TTC39C: variants seen among roughly 807,000 people sequenced by gnomAD.
The protein encoded by TTC39C is tetratricopeptide repeat domain 39C, also known as tetratricopeptide repeat protein 39C.
TTC39C carries 33 observed loss-of-function variants against 76.3 expected under a neutral mutation model. That is an observed-to-expected ratio of 0.43 (90% CI 0.33 to 0.58). TTC39C has a LOEUF of 0.58. Among genes scored for constraint, TTC39C ranks in the 20% least tolerant of loss-of-function variants. The probability of loss-of-function intolerance (pLI) is 0.04; values close to 1 mark genes in which losing one functional copy is unlikely to be tolerated. For synonymous variants in TTC39C, 254 were observed against 260.6 expected (o/e 0.97, Z 0.24); for missense variants, 595 against 701.4 (o/e 0.85, Z 1.71).
At chr18:24,129,808 A>G (rs2085100256) in intron 11 of TTC39C, among the ~76,000 whole-genome samples, 1 of 151,968 alleles carries the variant, frequency 6.6e-6, no homozygotes, top group Non-Finnish European at 1.5e-5. Flanking sequence ...AATGTACAGT[A>G]ATAGGAGACT....
intron 1 of TTC39C, among the ~76,000 whole-genome samples, chr18:24,039,392 T>A (rs1301567330): frequency 6.6e-6 from 1 of 152,190 alleles, no homozygotes; most frequent in Non-Finnish European, 1.5e-5. Flanking sequence ...TTCAAGGGAA[T>A]GATGGAAGTG....
At chr18:24,045,912 TA>T (rs2083868696) in intron 1 of TTC39C, among the ~76,000 whole-genome samples, 75 of 28,426 alleles carry the variant, frequency 2.6e-3, no homozygotes, top group African/African-American at 6.4e-3. Context: ...TATATATATA[TA>T]TATATATATA....
chr18:24,118,826 A>T (rs760388436), intron 8 of TTC39C, among the ~76,000 whole-genome samples: 34 of 151,500 alleles, frequency 2.2e-4, no homozygotes, highest in Admixed American at 4.6e-4. Context: ...CCAATTTTTT[A>T]AAAAAAATTT....
intron 6 of TTC39C, among the ~76,000 whole-genome samples, chr18:24,111,031 C>T (rs2084802160): frequency 6.6e-6 from 1 of 151,130 alleles, no homozygotes; most frequent in African/African-American, 2.4e-5. Flanking sequence ...CACTCTGTCA[C>T]CCAGGCTAGA....
chr18:24,108,691 G>A (rs538656776), intron 6 of TTC39C, among the ~76,000 whole-genome samples: 9 of 152,300 alleles, frequency 5.9e-5, no homozygotes, highest in Admixed American at 5.2e-4. Flanking sequence ...TGTGGAAAAT[G>A]TCACCTGTAG....
At chr18:24,131,840 A>AT in intron 12 of TTC39C, 42 bp from the exon 13 acceptor site, 1 of 1,586,260 alleles carries the variant, frequency 6.3e-7, no homozygotes, top group Non-Finnish European at 8.6e-7. Flanking sequence ...GCCTGCGTAT[A>AT]TATAAACACA....
At chr18:24,050,318 C>G (rs567338467) in intron 1 of TTC39C, among the ~76,000 whole-genome samples, 6 of 152,190 alleles carry the variant, frequency 3.9e-5, no homozygotes, top group South Asian at 2.1e-4. Flanking sequence ...GCCTGTAATC[C>G]CAACACTTTG....
intron 1 of TTC39C, among the ~76,000 whole-genome samples, chr18:24,017,277 A>C (rs1208135851): frequency 6.6e-6 from 1 of 152,212 alleles, no homozygotes; most frequent in East Asian, 1.9e-4. Context: ...GGTTGCATAC[A>C]GGTGTGATCA....
intron 8 of TTC39C, 33 bp downstream of exon 8, chr18:24,118,265 C>G: frequency 6.4e-7 from 1 of 1,566,794 alleles, no homozygotes. Context: ...GTGTGCCTCT[C>G]TCTGTCGTGA....
chr18:24,122,418 C>T (rs2084978680), intron 8 of TTC39C, among the ~76,000 whole-genome samples: 1 of 147,846 alleles, frequency 6.8e-6, no homozygotes, highest in African/African-American at 2.5e-5. Flanking sequence ...AGGAGAATTG[C>T]TTGAACCCAG....
At chr18:24,051,522 GA>G (rs2083948830) in intron 1 of TTC39C, among the ~76,000 whole-genome samples, 1 of 152,160 alleles carries the variant, frequency 6.6e-6, no homozygotes. Flanking sequence ...GTGGGCACAT[GA>G]TAAAAACGAG....
At chr18:24,075,703 A>C (rs1281024468) in intron 4 of TTC39C, among the ~76,000 whole-genome samples, 5 of 149,908 alleles carry the variant, frequency 3.3e-5, no homozygotes, top group East Asian at 3.9e-4. Context: ...AAAAAAAAAA[A>C]CAAAAAAAAA....
At chr18:24,065,187 G>A (rs763893930) in intron 2 of TTC39C, among the ~76,000 whole-genome samples, 1 of 152,198 alleles carries the variant, frequency 6.6e-6, no homozygotes, top group Non-Finnish European at 1.5e-5. Flanking sequence ...GGCCTGGGCC[G>A]AGGTTTGGCT....
chr18:24,124,078 C>T, intron 9 of TTC39C, 135 bp downstream of exon 9: 1 of 585,964 alleles, frequency 1.7e-6, no homozygotes, highest in Non-Finnish European at 3.0e-6. Flanking sequence ...CACCGCCATG[C>T]AGAGGATTCT....
intron 1 of TTC39C, among the ~76,000 whole-genome samples, chr18:24,004,948 C>T (rs1445003713): frequency 6.6e-6 from 1 of 152,192 alleles, no homozygotes; most frequent in Admixed American, 6.5e-5. Flanking sequence ...CTGGGCTGCA[C>T]CCTAATTTTG....
chr18:24,049,143 G>A lies in TTC39C; in HGVS notation c.168-14997G>A, dbSNP rs796069165. Among the ~76,000 whole-genome samples the A allele has an allele frequency of 7.9e-5, 12 of 152,292 alleles. 1 individual carries two copies. The highest frequency in any genetic ancestry group is 2.9e-4 in the African/African-American group (12 of 41,554). ...AAATAATGTTTTAAAGAGAGCCAAC[G>A]GTAAAGGCAGGAAATCACTCAAAAC... On this transcript the variant is annotated intron_variant, in intron 1 of 13. Transcript: ENST00000317571.
At chr18:24,049,652 C>A (rs1221739746) in intron 1 of TTC39C, among the ~76,000 whole-genome samples, 1 of 152,144 alleles carries the variant, frequency 6.6e-6, no homozygotes, top group Non-Finnish European at 1.5e-5. Flanking sequence ...GGTCTGGAAC[C>A]AGCACCCTTT....
At chr18:24,056,296 G>A (rs533698067) in intron 1 of TTC39C, among the ~76,000 whole-genome samples, 4 of 152,244 alleles carry the variant, frequency 2.6e-5, no homozygotes, top group Admixed American at 6.5e-5. Context: ...AGGTGGCCCC[G>A]TGCTTCGTTT....
intron 1 of TTC39C, among the ~76,000 whole-genome samples, chr18:24,057,400 A>C (rs760291135): frequency 3.9e-5 from 6 of 152,230 alleles, no homozygotes; most frequent in Non-Finnish European, 8.8e-5. Flanking sequence ...GTAAACATCA[A>C]TGTAACTACT....
Sources: gnomAD v4.1 joint callset for allele counts (sites outside exome capture counted in the v4.1 genomes callset) on GRCh38, gnomAD v4.1.1 for gene constraint, MANE v1.5 for transcripts, NCBI Gene and HGNC (gene_info 2026-07-23, HGNC 2026-07-21) for gene names.